COP1: variants seen among roughly 807,000 people sequenced by gnomAD.
COP1 encodes E3 ubiquitin-protein ligase COP1.
A neutral mutation model predicts 101.3 loss-of-function variants in COP1; 24 were observed. The ratio of observed to expected loss-of-function variants is 0.24; its 90% CI spans 0.17 to 0.33. The LOEUF is 0.33. Among genes scored for constraint, COP1 ranks in the 10% least tolerant of loss-of-function variants. COP1 has a pLI of 1.00. For synonymous variants in COP1, 347 were observed against 341.9 expected, an observed-to-expected ratio of 1.01 and a Z score of -0.17; for missense variants, 663 against 906.2, an observed-to-expected ratio of 0.73 and a Z score of 3.45.
chr1:175,951,033 G>C (rs184273960), intron 18 of COP1, among the ~76,000 whole-genome samples: 1 of 152,212 alleles, frequency 6.6e-6, no homozygotes, highest in Non-Finnish European at 1.5e-5. Flanking sequence ...ATCACCTGAG[G>C]TCGGGAGTTT....
chr1:175,988,262 T>A (rs754806553), intron 17 of COP1, 26 bp downstream of exon 17: 2 of 1,580,762 alleles, frequency 1.3e-6, no homozygotes, highest in East Asian at 4.5e-5. Flanking sequence ...TGTTAAAAAG[T>A]TCCTGGAAAC....
At chr1:176,141,098 A>C (rs926591272) in intron 6 of COP1, among the ~76,000 whole-genome samples, 2 of 152,224 alleles carry the variant, frequency 1.3e-5, no homozygotes, top group Non-Finnish European at 2.9e-5. Context: ...CTTAAGCATT[A>C]AACTCATTAT....
chr1:176,008,947 G>T (rs1376757865), intron 15 of COP1, among the ~76,000 whole-genome samples: 1 of 152,182 alleles, frequency 6.6e-6, no homozygotes, highest in African/African-American at 2.4e-5. Flanking sequence ...TTGTGTGTAT[G>T]TTGTGGAATG....
At chr1:175,985,552 G>A (rs1037086624) in intron 18 of COP1, among the ~76,000 whole-genome samples, 5 of 152,062 alleles carry the variant, frequency 3.3e-5, no homozygotes, top group East Asian at 1.9e-4. Context: ...CCCATACAAC[G>A]TCAGGCACTG....
intron 9 of COP1, among the ~76,000 whole-genome samples, chr1:176,086,447 C>T (rs1013430354): frequency 5.9e-5 from 9 of 151,836 alleles, no homozygotes; most frequent in African/African-American, 2.2e-4. Context: ...AGGATGGTCT[C>T]GATCTCCTGA....
At chr1:176,067,854 A>G (rs1319031343) in intron 11 of COP1, among the ~76,000 whole-genome samples, 1 of 152,132 alleles carries the variant, frequency 6.6e-6, no homozygotes, top group East Asian at 1.9e-4. Flanking sequence ...GTAAACGTTT[A>G]CCCCCAGACA....
chr1:176,180,534 T>TA, intron 2 of COP1, among the ~76,000 whole-genome samples: 1 of 152,328 alleles, frequency 6.6e-6, no homozygotes, highest in East Asian at 1.9e-4. Flanking sequence ...CTGCAACTCT[T>TA]AAAAATAATT....
At chr1:176,176,859 T>C (rs1018399707) in intron 2 of COP1, among the ~76,000 whole-genome samples, 2 of 152,192 alleles carry the variant, frequency 1.3e-5, no homozygotes. Flanking sequence ...TTAAAGAGTA[T>C]ATGTGGATAT....
intron 2 of COP1, among the ~76,000 whole-genome samples, chr1:176,179,815 C>T (rs962145613): frequency 6.6e-6 from 1 of 151,648 alleles, no homozygotes; most frequent in Non-Finnish European, 1.5e-5. Context: ...TCTTTAGTAT[C>T]CTAATCTTAT....
At chr1:175,958,790 A>G (rs1313876986) in intron 18 of COP1, among the ~76,000 whole-genome samples, 1 of 152,048 alleles carries the variant, frequency 6.6e-6, no homozygotes, top group Non-Finnish European at 1.5e-5. Context: ...AGAAATAGAA[A>G]GCAAGAATCA....
Position 175,945,135 on chromosome 1 carries a change from T to G in COP1, c.*18A>C, listed in dbSNP as rs374362432. The G allele has an allele frequency of 6.4e-7, 1 of 1,564,086 alleles. No homozygotes were observed. The highest frequency in any genetic ancestry group is 8.8e-7 in the Non-Finnish European group (1 of 1,140,408). On this transcript the variant is annotated 3_prime_UTR_variant, in exon 20 of 20. Transcript: ENST00000367669. ...GTATTTCAGCAGGATCAAGTACAAT[T>G]TGACTTGAGTTAACCCTTCATACCA...
intron 9 of COP1, among the ~76,000 whole-genome samples, chr1:176,098,737 T>C (rs546497671): frequency 2.2e-4 from 34 of 152,150 alleles, no homozygotes; most frequent in Non-Finnish European, 4.1e-4. Flanking sequence ...ATAAATAACT[T>C]ACCTGGAATA....
chr1:176,076,498 T>TA (rs976949967), intron 11 of COP1, among the ~76,000 whole-genome samples: 14 of 152,190 alleles, frequency 9.2e-5, no homozygotes, highest in Admixed American at 8.5e-4. Flanking sequence ...TTTATAGCAC[T>TA]AAAAATGCCT....
chr1:175,996,023 G>A lies in COP1; in HGVS notation c.1730-6544C>T, dbSNP rs1409314881. Among the ~76,000 whole-genome samples, 5 of 152,270 alleles carry A rather than the reference G, an allele frequency of 3.3e-5. No individual in the cohort carries two copies. The East Asian group carries it at 7.7e-4, about 23-fold the overall frequency. ...ATAAAATACTGGCAAAACGAATCCA[G>A]CAGCACATCAAAAAGCTTATCCACC... On this transcript the variant is annotated intron_variant, in intron 15 of 19. Coordinates refer to ENST00000367669, the MANE Select transcript of COP1 (RefSeq NM_022457.7).
At chr1:176,065,377 A>G (rs1375913252) in intron 11 of COP1, among the ~76,000 whole-genome samples, 1 of 152,236 alleles carries the variant, frequency 6.6e-6, no homozygotes, top group Non-Finnish European at 1.5e-5. Flanking sequence ...GATGGAAGCA[A>G]TATATGGGGA....
At chr1:176,166,199 T>A (rs1487220262) in intron 3 of COP1, among the ~76,000 whole-genome samples, 1 of 152,148 alleles carries the variant, frequency 6.6e-6, no homozygotes, top group Non-Finnish European at 1.5e-5. Flanking sequence ...TGATCTTGGC[T>A]CCCTGCAACC....
At chr1:176,205,731 C>A (rs553885960) in intron 1 of COP1, among the ~76,000 whole-genome samples, 14 of 152,340 alleles carry the variant, frequency 9.2e-5, no homozygotes, top group African/African-American at 3.4e-4. Context: ...ACCTCTCTAT[C>A]CCAAATGTCA....
At chr1:176,021,112 G>A (rs1292840549) in intron 15 of COP1, among the ~76,000 whole-genome samples, 1 of 152,116 alleles carries the variant, frequency 6.6e-6, no homozygotes, top group East Asian at 1.9e-4. Context: ...CTCCCAAAGT[G>A]TTGGGATTAC....
chr1:176,087,006 G>A (rs554831066), intron 9 of COP1, among the ~76,000 whole-genome samples: 69 of 152,284 alleles, frequency 4.5e-4, no homozygotes, highest in African/African-American at 1.3e-3. Context: ...CAAGAAATGG[G>A]GAAAGGATTC....
Sources: allele counts gnomAD v4.1 joint callset (sites outside exome capture counted in the v4.1 genomes callset), GRCh38; gene constraint gnomAD v4.1.1; transcripts MANE v1.5; gene names NCBI Gene and HGNC (gene_info 2026-07-23, HGNC 2026-07-21).